The following FHIT variants were observed in gnomAD, a reference collection of about 807,000 sequenced individuals.
FHIT encodes fragile histidine triad diadenosine triphosphatase.
In FHIT, 19 loss-of-function variants were observed where a neutral mutation model predicts 17.9. The ratio of observed to expected loss-of-function variants is 1.06; its 90% CI spans 0.74 to 1.56. The LOEUF (loss-of-function observed/expected upper bound fraction) is 1.56. FHIT is among the 40% of genes most tolerant of loss of function. The pLI is 0.00. For missense variants in FHIT, 248 were observed against 189.2 expected, an observed-to-expected ratio of 1.31 and a Z score of -1.82; for synonymous variants, 81 against 69.7, an observed-to-expected ratio of 1.16 and a Z score of -0.81.
At chr3:60,620,715 G>C (rs1438155245) in intron 4 of FHIT, among the ~76,000 whole-genome samples, 1 of 152,108 alleles carries the variant, frequency 6.6e-6, no homozygotes. Context: ...TATTCTGAAT[G>C]ATATAACAGT....
chr3:59,760,760 A>G (rs2106781323), intron 8 of FHIT, among the ~76,000 whole-genome samples: 1 of 152,276 alleles, frequency 6.6e-6, no homozygotes, highest in Admixed American at 6.5e-5. Context: ...GTATCTGAGA[A>G]AAACAACCCC....
At chr3:60,585,243 G>C (rs1344608120) in intron 4 of FHIT, among the ~76,000 whole-genome samples, 2 of 151,896 alleles carry the variant, frequency 1.3e-5, no homozygotes, top group East Asian at 3.9e-4. Context: ...AGGATATCCA[G>C]GACTTGAATG....
intron 4 of FHIT, among the ~76,000 whole-genome samples, chr3:60,761,597 T>C (rs1315810299): frequency 2.0e-5 from 3 of 151,402 alleles, no homozygotes; most frequent in African/African-American, 4.8e-5. Flanking sequence ...TAATACAAAC[T>C]GACACTATTT....
rs1230019000 is a variant in FHIT at position 60,444,946 on chromosome 3, T to C, written c.103+91914A>G. On this transcript the variant is annotated intron_variant, in intron 5 of 9. Transcript: ENST00000492590. ...AATTCCTTAGGCACAATTTTCTGGCTGAGGAGAAACTGCCCAAAGACCCTA... is the reference window on the plus strand; with the variant it reads ...AATTCCTTAGGCACAATTTTCTGGCCGAGGAGAAACTGCCCAAAGACCCTA... Among the ~76,000 whole-genome samples the C allele has an allele frequency of 2.6e-5, 4 of 152,114 alleles. No homozygotes were observed. In the South Asian group the frequency reaches 8.3e-4, roughly 32 times the overall value.
intron 5 of FHIT, among the ~76,000 whole-genome samples, chr3:60,285,645 G>C (rs983593398): frequency 1.3e-5 from 2 of 152,032 alleles, no homozygotes; most frequent in African/African-American, 2.4e-5. Context: ...AATCATCTTG[G>C]GTGGGCCTAA....
At chr3:60,733,131 G>T (rs1358924668) in intron 4 of FHIT, among the ~76,000 whole-genome samples, 1 of 152,200 alleles carries the variant, frequency 6.6e-6, no homozygotes, top group African/African-American at 2.4e-5. Context: ...CATGATGCTA[G>T]AGAGCAATTA....
At chr3:61,046,632 C>T (rs571537146) in intron 2 of FHIT, among the ~76,000 whole-genome samples, 2 of 152,202 alleles carry the variant, frequency 1.3e-5, no homozygotes, top group African/African-American at 4.8e-5. Flanking sequence ...TCATCCCTAA[C>T]TCATTTTATG....
intron 5 of FHIT, among the ~76,000 whole-genome samples, chr3:60,172,064 G>A (rs1458959788): frequency 3.3e-5 from 5 of 152,134 alleles, no homozygotes; most frequent in African/African-American, 1.2e-4. Context: ...AGAATATCCA[G>A]ATTAGTAGGG....
At chr3:59,794,120 C>T (rs1407252420) in intron 8 of FHIT, among the ~76,000 whole-genome samples, 1 of 152,160 alleles carries the variant, frequency 6.6e-6, no homozygotes, top group Non-Finnish European at 1.5e-5. Context: ...CAGATTGCTC[C>T]AGCGGATAAA....
intron 4 of FHIT, among the ~76,000 whole-genome samples, chr3:60,603,215 C>G (rs1378231591): frequency 6.6e-6 from 1 of 152,056 alleles, no homozygotes; most frequent in African/African-American, 2.4e-5. Flanking sequence ...TATATTTTTT[C>G]TTAACCTTTA....
Position 60,667,021 on chromosome 3 carries a change from ATTTTTTT to A in FHIT, c.-17-130049_-17-130043del, listed in dbSNP as rs56071877. On this transcript the variant is annotated intron_variant, in intron 4 of 9. Coordinates refer to ENST00000492590, the MANE Select transcript of FHIT (RefSeq NM_002012.4). ...AGGTGTGCACCACCATGCCTGGTTA[ATTTTTTT>A]TTTTTTTTTTTTTTTTTTTTTTGGT... 2.9e-4 allele frequency among the ~76,000 whole-genome samples: 10 copies of A among 34,126 alleles called. No homozygotes were observed. The South Asian group carries it at 6.7e-3, about 23-fold the overall frequency. The allele number at this position is 34,126 out of a possible 152,430, so 22.4% of individuals were successfully genotyped here.
At chr3:60,749,047 A>G (rs1367145489) in intron 4 of FHIT, among the ~76,000 whole-genome samples, 1 of 152,182 alleles carries the variant, frequency 6.6e-6, no homozygotes, top group Non-Finnish European at 1.5e-5. Context: ...GGAGTGGGAG[A>G]AAAGACCTCT....
chr3:60,685,555 T>G lies in FHIT; in HGVS notation c.-18+136364A>C, dbSNP rs535885477. ...GAGCCATATAGAAAATGGTGACATC[T>G]CCACCCCGTGACATATGGGCCAGTA... On this transcript the variant is annotated intron_variant, in intron 4 of 9. Transcript: ENST00000492590. Among the ~76,000 whole-genome samples the G allele has an allele frequency of 9.3e-4, 141 of 152,240 alleles. 3 individuals are homozygous for G. In the South Asian group the frequency reaches 0.028, roughly 30 times the overall value.
At chr3:60,585,623 C>A (rs925251126) in intron 4 of FHIT, among the ~76,000 whole-genome samples, 1 of 151,964 alleles carries the variant, frequency 6.6e-6, no homozygotes, top group Non-Finnish European at 1.5e-5. Context: ...GCTTGGTACC[C>A]AAAGGCACAA....
At chr3:60,531,526 C>T (rs2035786827) in intron 5 of FHIT, among the ~76,000 whole-genome samples, 1 of 152,102 alleles carries the variant, frequency 6.6e-6, no homozygotes, top group African/African-American at 2.4e-5. Flanking sequence ...GATCCGCCCG[C>T]CTCGGCCTCC....
intron 1 of FHIT, among the ~76,000 whole-genome samples, chr3:61,214,724 A>C (rs2039613523): frequency 1.3e-5 from 2 of 152,266 alleles, no homozygotes; most frequent in Non-Finnish European, 2.9e-5. Context: ...TTTTAGACCA[A>C]TATCCTTGAT....
chr3:60,974,478 T>C (rs948767651), intron 3 of FHIT, among the ~76,000 whole-genome samples: 6 of 152,118 alleles, frequency 3.9e-5, no homozygotes, highest in Non-Finnish European at 2.9e-5. Context: ...AAAGATTCAA[T>C]GTGGTTATCA....
intron 3 of FHIT, among the ~76,000 whole-genome samples, chr3:60,992,782 T>C (rs997196614): frequency 2.6e-5 from 4 of 152,184 alleles, no homozygotes; most frequent in Admixed American, 1.3e-4. Context: ...TTTTTTGTTT[T>C]AGAAATATAG....
At chr3:60,871,193 T>G in intron 3 of FHIT, among the ~76,000 whole-genome samples, 1 of 152,154 alleles carries the variant, frequency 6.6e-6, no homozygotes, top group East Asian at 1.9e-4. Flanking sequence ...TCTCGTTATA[T>G]CAGAAGCATT....
Sources: allele counts gnomAD v4.1 joint callset (sites outside exome capture counted in the v4.1 genomes callset), GRCh38; gene constraint gnomAD v4.1.1; transcripts MANE v1.5; gene names NCBI Gene and HGNC (gene_info 2026-07-23, HGNC 2026-07-21).